Variants in OTOR observed in about 807,000 individuals in gnomAD.
The protein encoded by OTOR is fibrocyte-derived protein.
OTOR carries 20 observed loss-of-function variants against 15.9 expected under a neutral mutation model. The observed-to-expected ratio is 1.26, with a 90% CI of 0.89 to 1.83. The LOEUF is 1.83. Among genes scored for constraint, OTOR ranks in the 40% most tolerant of loss-of-function variants. The probability of loss-of-function intolerance (pLI) is 0.00; values close to 1 mark genes in which losing one functional copy is unlikely to be tolerated. For synonymous variants in OTOR, 53 were observed against 54.2 expected (o/e 0.98, Z 0.09); for missense variants, 184 against 159.0 (o/e 1.16, Z -0.85).
chr20:16,748,362 G>T lies in OTOR; in HGVS notation c.-40G>T. On this transcript the variant is annotated 5_prime_UTR_variant, in exon 1 of 4. Transcript: ENST00000246081. ...GCAGGAACCACTGAAGTCAGTCCCC[G>T]CTTCCAGTCAGAGTTCAAGTTAAAA... is the stretch of plus-strand genomic sequence containing the variant. 2 of 1,371,622 alleles carry T rather than the reference G, an allele frequency of 1.5e-6. No individual in the cohort carries two copies. The highest frequency in any genetic ancestry group is 1.2e-5 in the South Asian group (1 of 86,104). 85.0% of individuals were successfully genotyped at this position (1,371,622 alleles called of 1,614,324 possible).
In OTOR at chr20:16,749,935, C is replaced by T. The variant is rs373566609; in HGVS notation, c.288C>T (p.Val96=). ...GTGATGGCCAGGACGAGATGGGAGT[C>T]GTGGGTTATTTCCCCAGGAACTTGG... ...VYGDGQDEMG[V]VGYFPRNLVK... Residue 96 remains valine (V), a synonymous_variant, in exon 3 of 4, where the codon GTC becomes GTT. Coordinates refer to ENST00000246081, the MANE Select transcript of OTOR (RefSeq NM_020157.4). 6 of 1,613,536 alleles carry T rather than the reference C, an allele frequency of 3.7e-6. No individual in the cohort carries two copies. In the African/African-American group the frequency reaches 4.0e-5, roughly 11 times the overall value.
chr20:16,749,085 C>A, intron 2 of OTOR, 79 bp downstream of exon 2: 1 of 1,032,014 alleles, frequency 9.7e-7, no homozygotes, highest in Non-Finnish European at 1.4e-6. Flanking sequence ...TATTTTAATG[C>A]TTAATACTAG....
Position 16,750,321 on chromosome 20 carries a change from A to G in OTOR, c.363+311A>G, listed in dbSNP as rs2092471. 9.6e-4 allele frequency among the ~76,000 whole-genome samples: 146 copies of G among 152,136 alleles called. 3 individuals carry two copies. The highest frequency in any genetic ancestry group is 2.9e-3 in the African/African-American group (122 of 41,512). On this transcript the variant is annotated intron_variant, in intron 3 of 3. Transcript: ENST00000246081. ...AATAAAAATTGCATACATTTAATGC[A>G]TACATTATGTTTTGATATACATTGT...
In OTOR at chr20:16,748,436, T is replaced by C; in HGVS notation, c.35T>C (p.Leu12Pro). Reference sequence around the variant, plus strand: ...ATATTGTTACTTTTCCTCCCGGGTCTTGTGGCTGTATGTGCTGTGCATGGA... The same window carrying C: ...ATATTGTTACTTTTCCTCCCGGGTCCTGTGGCTGTATGTGCTGTGCATGGA... Reference protein sequence around the residue: ...ARILLLFLPGLVAVCAVHGIF... With the variant: ...ARILLLFLPGPVAVCAVHGIF... The change falls in exon 1 of 4, where the codon CTT becomes CCT. Residue 12 changes from leucine to proline, a missense_variant. Physicochemically the swap from Leu to Pro is moderately conservative, Grantham distance 98. Transcript: ENST00000246081. 6.2e-7 allele frequency: 1 copy of C among 1,613,542 alleles called. No individual in the cohort carries two copies. Among genetic ancestry groups the C allele is most frequent in the Non-Finnish European group, 8.5e-7 (1 of 1,179,496 alleles).
At chr20:16,750,968 G>A in intron 3 of OTOR, 127 bp from the exon 4 acceptor site, 1 of 703,104 alleles carries the variant, frequency 1.4e-6, no homozygotes, top group Non-Finnish European at 2.4e-6. Context: ...ATTTTTTGGG[G>A]GTCAACCTTT....
In OTOR at chr20:16,748,491, G is replaced by A; in HGVS notation, c.90G>A (p.Lys30=). 4 of 1,611,024 alleles carry A rather than the reference G, an allele frequency of 2.5e-6. No homozygotes were observed. Among genetic ancestry groups the A allele is most frequent in the Non-Finnish European group, 2.5e-6 (3 of 1,177,188 alleles). The change falls in exon 1 of 4, where the codon AAG becomes AAA. Residue 30 remains lysine, a synonymous_variant. Transcript: ENST00000246081. ...GIFMDRLASK[K]LCADDECVYT... is the part of the protein sequence containing the mutation. ...TTATGGACCGTCTAGCTTCCAAGAA[G>A]CTCTGTGCAGATGATGAGTGTGTCT... is the stretch of plus-strand genomic sequence containing the variant.
rs1416754886 is a variant in OTOR at position 16,748,657 on chromosome 20, T to C, written c.115+141T>C. 2.7e-5 allele frequency: 19 copies of C among 701,220 alleles called. No individual in the cohort carries two copies. The East Asian group carries it at 5.1e-4, about 19-fold the overall frequency. 43.4% of individuals were successfully genotyped at this position (701,220 alleles called of 1,614,324 possible). ...TCAGCTTTGTTTCTTCTGGTCTGCA[T>C]GTTTGGTATCTTACTACGGAGAATT... On this transcript the variant is annotated intron_variant, in intron 1 of 3. Coordinates refer to ENST00000246081, the MANE Select transcript of OTOR (RefSeq NM_020157.4).
At position 16,749,971 on chromosome 20, in the gene OTOR, G is replaced by C. The variant is rs765806313; in HGVS notation, c.324G>C (p.Gln108His). The C allele has an allele frequency of 1.9e-6, 3 of 1,613,716 alleles. No individual in the cohort carries two copies. The Admixed American group carries it at 5.0e-5, about 27-fold the overall frequency. ...TCCCCAGGAACTTGGTCAAGGAACA[G>C]CGTGTGTACCAGGAAGCTACCAAGG... ...GYFPRNLVKEQRVYQEATKEV... is the reference protein window; with the variant it reads ...GYFPRNLVKEHRVYQEATKEV... Residue 108 changes from glutamine (Q) to histidine (H), a missense_variant, in exon 3 of 4, where the codon CAG (glutamine) becomes CAC (histidine). Transcript: ENST00000246081.
At chr20:16,750,156 G>A (rs967021966) in intron 3 of OTOR, 146 bp downstream of exon 3, 16 of 569,712 alleles carry the variant, frequency 2.8e-5, no homozygotes, top group African/African-American at 9.5e-5. Flanking sequence ...TGAGGTTTGG[G>A]GGACCATTTA....
Position 16,751,761 on chromosome 20 carries a change from T to C in OTOR, c.*643T>C, listed in dbSNP as rs1422281252. ...AATAACTTGCCTTCTAAATGATCAATTTACTTCTCCCCCAATTTTAAAGAA... is the reference window on the plus strand; with the variant it reads ...AATAACTTGCCTTCTAAATGATCAACTTACTTCTCCCCCAATTTTAAAGAA... On this transcript the variant is annotated 3_prime_UTR_variant, in exon 4 of 4. Coordinates refer to ENST00000246081, the MANE Select transcript of OTOR (RefSeq NM_020157.4). The C allele has an allele frequency of 6.6e-6, 1 of 152,190 alleles. No homozygotes were observed. The highest frequency in any genetic ancestry group is 1.9e-4 in the East Asian group (1 of 5,196). The allele number at this position is 152,190 out of a possible 1,614,324, so 9.4% of individuals were successfully genotyped here. A position where few individuals can be genotyped will look rare whatever the true frequency, so the allele number is the denominator to read the frequency against.
rs974558180 is a variant in OTOR, at chr20:16,749,084, G to T, written c.255+78G>T. The T allele has an allele frequency of 2.4e-5, 25 of 1,040,744 alleles. No individual in the cohort carries two copies. In the African/African-American group the frequency reaches 3.6e-4, roughly 15 times the overall value. The allele number at this position is 1,040,744 out of a possible 1,614,324, so 64.5% of individuals were successfully genotyped here. ...TTACCTACCTTCAACCTATTTTAATGCTTAATACTAGTTGTTAAGAACCAT... is the reference window on the plus strand; with the variant it reads ...TTACCTACCTTCAACCTATTTTAATTCTTAATACTAGTTGTTAAGAACCAT... On this transcript the variant is annotated intron_variant, in intron 2 of 3. Transcript: ENST00000246081.
In OTOR at chr20:16,748,962, A is replaced by G. The variant is rs950817804; in HGVS notation, c.211A>G (p.Lys71Glu). Residue 71 changes from lysine (K) to glutamate (E), a missense_variant, in exon 2 of 4, where the codon AAG becomes GAG. Physicochemically the swap from Lys to Glu is moderately conservative, Grantham distance 56. Coordinates refer to ENST00000246081, the MANE Select transcript of OTOR (RefSeq NM_020157.4). ...AGGGCAGCAGATCTATGTGTACTCA[A>G]AGCTGGTAAAAGAAAATGGAGCTGG... The part of the protein sequence containing the change: ...KKGQQIYVYS[K>E]LVKENGAGEF... 23 of 1,611,552 alleles carry G rather than the reference A, an allele frequency of 1.4e-5. No individual in the cohort carries two copies. Among genetic ancestry groups the G allele is most frequent in the Middle Eastern group, 1.7e-4 (1 of 6,052 alleles).
intron 3 of OTOR, among the ~76,000 whole-genome samples, chr20:16,750,457 A>C (rs2054976971): frequency 6.6e-6 from 1 of 151,762 alleles, no homozygotes. Flanking sequence ...CCTCTTAGTA[A>C]ATTTCAAGTA....
At chr20:16,750,750 C>G (rs2072524329) in intron 3 of OTOR, among the ~76,000 whole-genome samples, 1 of 152,310 alleles carries the variant, frequency 6.6e-6, no homozygotes, top group Admixed American at 6.5e-5. Context: ...AAGATGCTTT[C>G]TGAGCTACTT....
chr20:16,749,880 T>C (rs2072517072), intron 2 of OTOR, 23 bp from the exon 3 acceptor site: 1 of 1,507,774 alleles, frequency 6.6e-7, no homozygotes, highest in East Asian at 2.3e-5. Flanking sequence ...TTTTTCCTGA[T>C]TGCTATTCTT....
chr20:16,750,102 T>C (rs1226106414), intron 3 of OTOR, 92 bp downstream of exon 3: 3 of 829,760 alleles, frequency 3.6e-6, no homozygotes, highest in South Asian at 3.0e-5. Flanking sequence ...ACAAGTTGTA[T>C]AGAACAAAGC....
In OTOR at chr20:16,748,949, CTA is replaced by C. The variant is rs1348166911; in HGVS notation, c.200_201del (p.Tyr67CysfsTer22). 1 of 1,612,232 alleles carries C rather than the reference CTA, an allele frequency of 6.2e-7. No individual in the cohort carries two copies. Among genetic ancestry groups the C allele is most frequent in the East Asian group, 2.2e-5 (1 of 44,784 alleles). On this transcript the variant is annotated frameshift_variant, in exon 2 of 4. Coordinates refer to ENST00000246081, the MANE Select transcript of OTOR (RefSeq NM_020157.4). LOFTEE classifies it high-confidence loss of function. Reference sequence around the variant, plus strand: ...TTAACGTTAAAAAAGGGCAGCAGATCTATGTGTACTCAAAGCTGGTAAAAGAA... The same window carrying C: ...TTAACGTTAAAAAAGGGCAGCAGATCTGTGTACTCAAAGCTGGTAAAAGAA... ...FINVKKGQQI[Y>X]VYSKLVKENG...
At chr20:16,749,383 G>A (rs17686504) in intron 2 of OTOR, 5,341 of 171,546 alleles carry the variant, frequency 0.031, 101 homozygotes, top group Non-Finnish European at 0.042. Context: ...TAATTCGAAA[G>A]AATCAGCGTT....
At position 16,751,379 on chromosome 20, in the gene OTOR, A is replaced by G. The variant is rs1362157781; in HGVS notation, c.*261A>G. On this transcript the variant is annotated 3_prime_UTR_variant, in exon 4 of 4. Transcript: ENST00000246081. The stretch of plus-strand genomic sequence containing the variant: ...ATGGGTAAATTGAGACCAGAAAATT[A>G]TTTTTTCAACCTAGAGAATCTCCTC... 3 of 433,372 alleles carry G rather than the reference A, an allele frequency of 6.9e-6. No individual in the cohort carries two copies. The allele number at this position is 433,372 out of a possible 1,614,324, so 26.8% of individuals were successfully genotyped here.
Sources: gnomAD v4.1 joint callset for allele counts (sites outside exome capture counted in the v4.1 genomes callset) on GRCh38, gnomAD v4.1.1 for gene constraint, MANE v1.5 for transcripts, NCBI Gene and HGNC (gene_info 2026-07-23, HGNC 2026-07-21) for gene names.